Variants in GSE1 observed in about 807,000 individuals in gnomAD.
GSE1 encodes genetic suppressor element 1.
In GSE1, 32 loss-of-function variants were observed where a neutral mutation model predicts 112.6. That is an observed-to-expected ratio of 0.28 (90% CI 0.21 to 0.38). The LOEUF (loss-of-function observed/expected upper bound fraction) is 0.38. Ranked by LOEUF, GSE1 falls within the 10% of genes least tolerant of loss-of-function variation. GSE1 has a pLI of 1.00. For synonymous variants in GSE1, 1,115 were observed against 735.6 expected, an observed-to-expected ratio of 1.52 and a Z score of -8.35; for missense variants, 2,348 against 1,699.2, an observed-to-expected ratio of 1.38 and a Z score of -6.71.
chr16:85,425,656 C>G (rs757254697), intron 2 of GSE1, among the ~76,000 whole-genome samples: 38 of 152,284 alleles, frequency 2.5e-4, no homozygotes, highest in South Asian at 8.3e-4. Context: ...GCAAGCCTGC[C>G]CTGCCCACCC....
intron 1 of GSE1, among the ~76,000 whole-genome samples, chr16:85,630,648 C>A (rs2049467081): frequency 6.6e-6 from 1 of 152,216 alleles, no homozygotes; most frequent in African/African-American, 2.4e-5. Flanking sequence ...TTCAACGTAT[C>A]TTAGCTGTGT....
At chr16:85,379,432 C>T (rs1567722633) in intron 2 of GSE1, among the ~76,000 whole-genome samples, 1 of 152,210 alleles carries the variant, frequency 6.6e-6, no homozygotes, top group South Asian at 2.1e-4. Context: ...GTCTTCCCCT[C>T]CTCTTCTCCC....
intron 1 of GSE1, among the ~76,000 whole-genome samples, chr16:85,278,035 T>A (rs1453368409): frequency 2.6e-5 from 4 of 152,374 alleles, no homozygotes; most frequent in African/African-American, 9.6e-5. Flanking sequence ...GCGGCATGTG[T>A]CCCAACCGTA....
At chr16:85,614,170 C>T (rs2048209572) in intron 1 of GSE1, among the ~76,000 whole-genome samples, 1 of 151,114 alleles carries the variant, frequency 6.6e-6, no homozygotes, top group Admixed American at 6.6e-5. Flanking sequence ...CCCGCACTGG[C>T]CTTTTTCCCT....
chr16:85,646,497 T>C (rs11646224), intron 2 of GSE1, among the ~76,000 whole-genome samples: 150,446 of 152,340 alleles, frequency 0.99, 74,301 homozygotes, highest in Middle Eastern at 1. Context: ...TGCTGTGATA[T>C]CATAGAATCC....
chr16:85,283,103 G>A (rs1339343839), intron 1 of GSE1: 1 of 152,828 alleles, frequency 6.5e-6, no homozygotes, highest in Non-Finnish European at 1.5e-5. Flanking sequence ...TCTGCACAAG[G>A]CTGCTTGGAT....
intron 1 of GSE1, among the ~76,000 whole-genome samples, chr16:85,176,242 C>A (rs1235598842): frequency 6.6e-6 from 1 of 152,224 alleles, no homozygotes; most frequent in Non-Finnish European, 1.5e-5. Context: ...CCAAATCCTG[C>A]CTTTCTGTCT....
rs552095998 is a variant in GSE1, at chr16:85,319,661, C to T, written c.2284-37802C>T. Among the ~76,000 whole-genome samples, 9 of 152,320 alleles carry T rather than the reference C, an allele frequency of 5.9e-5. No homozygotes were observed. The South Asian group carries it at 8.3e-4, about 14-fold the overall frequency. ...CCATAGGGCCCTCGAACACCGCCTC[C>T]AGCATTAGTTCACTCTGTTTTCTCT... On this transcript the variant is annotated intron_variant, in intron 1 of 2. Coordinates refer to the GSE1 transcript ENST00000637419.
intron 1 of GSE1, among the ~76,000 whole-genome samples, chr16:85,621,925 T>C (rs1056824526): frequency 1.3e-5 from 2 of 152,112 alleles, no homozygotes; most frequent in African/African-American, 4.8e-5. Flanking sequence ...CCTGGACTAC[T>C]TCTCATGGCG....
rs976695021 is a variant in GSE1, at chr16:85,242,363, C to T, written c.2283+70556C>T. Among the ~76,000 whole-genome samples the T allele has an allele frequency of 3.3e-5, 5 of 152,176 alleles. No individual in the cohort carries two copies. In the East Asian group the frequency reaches 5.8e-4, roughly 18 times the overall value. ...CAAACAGGTGATGTGTCACCCTCCC[C>T]GCACCCCCATGCAGGAAGGGGTGGG... is the stretch of plus-strand genomic sequence containing the variant. On this transcript the variant is annotated intron_variant, in intron 1 of 2. Transcript: ENST00000637419.
chr16:85,385,755 G>A (rs534350745), intron 2 of GSE1, among the ~76,000 whole-genome samples: 2 of 152,328 alleles, frequency 1.3e-5, no homozygotes, highest in African/African-American at 2.4e-5. Flanking sequence ...AGGCCTCGGC[G>A]GTAATGGGGT....
chr16:85,483,129 G>T (rs2050733642), intron 2 of GSE1, among the ~76,000 whole-genome samples: 1 of 152,244 alleles, frequency 6.6e-6, no homozygotes, highest in Non-Finnish European at 1.5e-5. Context: ...TGTGGATCAG[G>T]TGTATATGAA....
chr16:85,255,301 G>A (rs1906951647), intron 1 of GSE1, among the ~76,000 whole-genome samples: 1 of 152,192 alleles, frequency 6.6e-6, no homozygotes, highest in African/African-American at 2.4e-5. Context: ...AAGCCCAGCT[G>A]CCGGCCCAGC....
At chr16:85,411,907 C>G in intron 2 of GSE1, among the ~76,000 whole-genome samples, 1 of 26,152 alleles carries the variant, frequency 3.8e-5, no homozygotes, top group Admixed American at 2.2e-4. Flanking sequence ...CTCAGGCCCC[C>G]CCTGGATAAT....
intron 1 of GSE1, among the ~76,000 whole-genome samples, chr16:85,236,266 C>A (rs556216553): frequency 1.1e-4 from 16 of 152,308 alleles, no homozygotes; most frequent in Admixed American, 8.5e-4. Context: ...GGCACCTTGG[C>A]TGGCCCCCGT....
At chr16:85,368,869 C>T (rs1039075293) in intron 2 of GSE1, among the ~76,000 whole-genome samples, 1 of 152,130 alleles carries the variant, frequency 6.6e-6, no homozygotes, top group Non-Finnish European at 1.5e-5. Context: ...GTCCCCCTCC[C>T]TAGGGCATGG....
At chr16:85,466,722 GGA>G (rs1225944857) in intron 2 of GSE1, among the ~76,000 whole-genome samples, 6 of 138,566 alleles carry the variant, frequency 4.3e-5, no homozygotes, top group African/African-American at 1.2e-4. Flanking sequence ...AGGGAGAGAG[GGA>G]GAGAGAGGGA....
chr16:85,491,224 C>G (rs2151893970), intron 2 of GSE1, among the ~76,000 whole-genome samples: 1 of 152,322 alleles, frequency 6.6e-6, no homozygotes. Context: ...GGCCTCAATT[C>G]AGGCCTCTGG....
intron 1 of GSE1, among the ~76,000 whole-genome samples, chr16:85,356,668 T>G (rs2046957010): frequency 6.7e-6 from 1 of 150,286 alleles, no homozygotes; most frequent in Non-Finnish European, 1.5e-5. Flanking sequence ...TGTTTATTTA[T>G]TTTTGTAAAG....
Sources: allele counts gnomAD v4.1 joint callset (sites outside exome capture counted in the v4.1 genomes callset), GRCh38; gene constraint gnomAD v4.1.1; transcripts MANE v1.5; gene names NCBI Gene and HGNC (gene_info 2026-07-23, HGNC 2026-07-21).